NRXN3: variants seen among roughly 807,000 people sequenced by gnomAD.
NRXN3 encodes the protein neurexin 3.
A neutral mutation model predicts 137.6 loss-of-function variants in NRXN3; 32 were observed. The observed-to-expected ratio is 0.23, with a 90% CI of 0.18 to 0.31. The LOEUF (loss-of-function observed/expected upper bound fraction) is 0.31. Among genes scored for constraint, NRXN3 ranks in the 10% least tolerant of loss-of-function variants. The pLI is 1.00. For synonymous variants in NRXN3, 798 were observed against 784.5 expected (o/e 1.02, Z -0.29); for missense variants, 1,574 against 2,062.5 (o/e 0.76, Z 4.59).
In NRXN3 at chr14:78,470,899, G is replaced by C. The variant is rs78833733; in HGVS notation, c.757+173039G>C. Among the ~76,000 whole-genome samples the C allele has an allele frequency of 6.2e-3, 951 of 152,220 alleles. 7 individuals are homozygous for C. Among genetic ancestry groups the C allele is most frequent in the African/African-American group, 0.022 (897 of 41,526 alleles). ...CACAGATGGAAAAATTGAGACTTCT[G>C]ACAGCAACCTTCCGAAGGTCAGATA... On this transcript the variant is annotated intron_variant, in intron 4 of 20. Transcript: ENST00000335750.
At position 78,651,347 on chromosome 14, in the gene NRXN3, T is replaced by C. The variant is rs745455478; in HGVS notation, c.1221+21T>C. On this transcript the variant is annotated intron_variant, in intron 6 of 20. Coordinates refer to ENST00000335750, the MANE Select transcript of NRXN3 (RefSeq NM_001330195.2). ...AAGAGGTAAAGTTCACCCAATTCTATTTAATGCACCATGTGATTGTTTCAT... is the reference window on the plus strand; with the variant it reads ...AAGAGGTAAAGTTCACCCAATTCTACTTAATGCACCATGTGATTGTTTCAT... 1.9e-6 allele frequency: 3 copies of C among 1,611,244 alleles called. No individual in the cohort carries two copies. In the African/African-American group the frequency reaches 4.0e-5, roughly 22 times the overall value.
At chr14:78,941,461 C>G (rs559252495) in intron 10 of NRXN3, among the ~76,000 whole-genome samples, 5 of 152,198 alleles carry the variant, frequency 3.3e-5, no homozygotes, top group Non-Finnish European at 7.3e-5. Flanking sequence ...GTCTAAGTAT[C>G]AGTTCCAAGA....
intron 11 of NRXN3, among the ~76,000 whole-genome samples, chr14:78,960,207 G>T (rs1292630383): frequency 6.6e-6 from 1 of 152,144 alleles, no homozygotes; most frequent in Non-Finnish European, 1.5e-5. Context: ...GAAGAAAGCA[G>T]CCAGAAGGAT....
intron 15 of NRXN3, among the ~76,000 whole-genome samples, chr14:79,455,621 C>G (rs1287832554): frequency 1.3e-5 from 2 of 151,888 alleles, no homozygotes; most frequent in Admixed American, 1.3e-4. Flanking sequence ...ATACTTTTTC[C>G]TAGAAATGAT....
chr14:79,315,936 T>G (rs553075073), intron 15 of NRXN3, among the ~76,000 whole-genome samples: 1 of 152,324 alleles, frequency 6.6e-6, no homozygotes, highest in African/African-American at 2.4e-5. Flanking sequence ...GGGAGATGGT[T>G]AAATAAGAAA....
In NRXN3 at chr14:79,483,112, T is replaced by G. The variant is rs565510021; in HGVS notation, c.3444+15710T>G. On this transcript the variant is annotated intron_variant, in intron 16 of 20. Transcript: ENST00000335750. ...TAGAAGTCTTTTTATTTTGTTTCTCTAAATCTCAATCTTTTATTTAAGCTA... is the reference window on the plus strand; with the variant it reads ...TAGAAGTCTTTTTATTTTGTTTCTCGAAATCTCAATCTTTTATTTAAGCTA... Among the ~76,000 whole-genome samples the G allele has an allele frequency of 3.9e-5, 6 of 152,338 alleles. No homozygotes were observed. In the South Asian group the frequency reaches 1.2e-3, roughly 32 times the overall value.
chr14:79,694,918 A>C (rs1172622105), intron 18 of NRXN3, among the ~76,000 whole-genome samples: 1 of 152,028 alleles, frequency 6.6e-6, no homozygotes, highest in Non-Finnish European at 1.5e-5. Flanking sequence ...AAGCAAACAG[A>C]AAAGCAAACA....
At chr14:78,479,144 C>CA (rs1174909412) in intron 4 of NRXN3, among the ~76,000 whole-genome samples, 1 of 152,208 alleles carries the variant, frequency 6.6e-6, no homozygotes, top group Non-Finnish European at 1.5e-5. Flanking sequence ...CTTGGCTACA[C>CA]ATTAGAATCA....
At chr14:79,349,733 A>G (rs1233974342) in intron 15 of NRXN3, among the ~76,000 whole-genome samples, 2 of 152,120 alleles carry the variant, frequency 1.3e-5, no homozygotes, top group African/African-American at 4.8e-5. Flanking sequence ...GAGGTAATCA[A>G]GTTAACATCA....
chr14:79,600,493 A>G (rs1458318886), intron 16 of NRXN3, among the ~76,000 whole-genome samples: 1 of 152,220 alleles, frequency 6.6e-6, no homozygotes, highest in African/African-American at 2.4e-5. Context: ...ACCTCAAAAT[A>G]AGATATTAAG....
chr14:78,714,722 G>A, intron 7 of NRXN3, 34 bp from the exon 8 acceptor site: 1 of 1,599,296 alleles, frequency 6.3e-7, no homozygotes, highest in South Asian at 1.1e-5. Flanking sequence ...TAAGCAACTG[G>A]CAGACTCACC....
chr14:79,205,571 A>C (rs964337654), intron 15 of NRXN3, among the ~76,000 whole-genome samples: 10 of 152,184 alleles, frequency 6.6e-5, no homozygotes, highest in African/African-American at 2.4e-4. Context: ...ATCACCATCC[A>C]TCTTTATCCA....
intron 9 of NRXN3, among the ~76,000 whole-genome samples, chr14:78,804,855 C>G (rs2098851594): frequency 6.6e-6 from 1 of 152,160 alleles, no homozygotes; most frequent in Non-Finnish European, 1.5e-5. Flanking sequence ...AGTGAGACAG[C>G]TGGGTCCAAA....
chr14:79,161,380 G>A (rs994555365), intron 15 of NRXN3, among the ~76,000 whole-genome samples: 2 of 151,906 alleles, frequency 1.3e-5, no homozygotes, highest in Non-Finnish European at 2.9e-5. Context: ...TTCAGAGAAT[G>A]TGTCTCTGTC....
chr14:78,803,888 A>C, intron 9 of NRXN3, 65 bp downstream of exon 9: 1 of 1,410,212 alleles, frequency 7.1e-7, no homozygotes, highest in East Asian at 2.3e-5. Context: ...TCTGATTTTC[A>C]TTGGTTTGAT....
At chr14:79,108,485 T>G (rs751075059) in intron 15 of NRXN3, among the ~76,000 whole-genome samples, 8 of 152,134 alleles carry the variant, frequency 5.3e-5, no homozygotes, top group Non-Finnish European at 1.2e-4. Context: ...GCTGGATATG[T>G]AGGACATCAA....
chr14:79,076,860 C>G (rs1467723676), intron 15 of NRXN3, among the ~76,000 whole-genome samples: 8 of 152,106 alleles, frequency 5.3e-5, no homozygotes, highest in Admixed American at 5.2e-4. Flanking sequence ...GGGCTTGCCA[C>G]AGAGTAGAGA....
intron 4 of NRXN3, among the ~76,000 whole-genome samples, chr14:78,483,845 A>G (rs1449945087): frequency 6.6e-6 from 1 of 152,126 alleles, no homozygotes; most frequent in Admixed American, 6.6e-5. Context: ...ATGGCTTACC[A>G]AGGTTACAAA....
At chr14:79,178,922 A>G (rs917792082) in intron 15 of NRXN3, among the ~76,000 whole-genome samples, 1 of 152,120 alleles carries the variant, frequency 6.6e-6, no homozygotes, top group African/African-American at 2.4e-5. Flanking sequence ...TTTTCCTACC[A>G]CTCAGCATTT....
Sources: gnomAD v4.1 joint callset for allele counts (sites outside exome capture counted in the v4.1 genomes callset) on GRCh38, gnomAD v4.1.1 for gene constraint, MANE v1.5 for transcripts, NCBI Gene and HGNC (gene_info 2026-07-23, HGNC 2026-07-21) for gene names.